Variants in EBF1 observed in about 807,000 individuals in gnomAD.
EBF1 encodes the protein EBF transcription factor 1.
In EBF1, 10 loss-of-function variants were observed where a neutral mutation model predicts 68.4. The observed-to-expected ratio is 0.15, with a 90% CI of 0.09 to 0.25. EBF1 has a LOEUF of 0.25. Ranked by LOEUF, EBF1 falls within the 10% of genes least tolerant of loss-of-function variation. EBF1 has a pLI of 1.00. For missense variants in EBF1, 509 were observed against 794.4 expected, an observed-to-expected ratio of 0.64 and a Z score of 4.32; for synonymous variants, 298 against 299.8, an observed-to-expected ratio of 0.99 and a Z score of 0.06.
chr5:158,845,753 T>C (rs1424235181), intron 6 of EBF1, among the ~76,000 whole-genome samples: 1 of 142,336 alleles, frequency 7.0e-6, no homozygotes, highest in Non-Finnish European at 1.5e-5. Context: ...AAGATAATAA[T>C]GACTACAGCA....
intron 5 of EBF1, among the ~76,000 whole-genome samples, chr5:159,077,020 T>A (rs1164094466): frequency 6.6e-6 from 1 of 152,212 alleles, no homozygotes; most frequent in African/African-American, 2.4e-5. Context: ...GCCCCATTTC[T>A]GGGAGAAAAA....
chr5:158,940,822 C>CAACA (rs1315312465), intron 6 of EBF1, among the ~76,000 whole-genome samples: 2 of 134,136 alleles, frequency 1.5e-5, no homozygotes, highest in Non-Finnish European at 3.1e-5. Flanking sequence ...AGTGAATCCC[C>CAACA]AACAGAGGAC....
At chr5:159,062,567 A>T (rs1237785710) in intron 6 of EBF1, among the ~76,000 whole-genome samples, 1 of 152,124 alleles carries the variant, frequency 6.6e-6, no homozygotes, top group African/African-American at 2.4e-5. Flanking sequence ...TGAAAGAAAA[A>T]CTGGTGAATT....
chr5:158,848,891 G>A (rs1185667251), intron 6 of EBF1, among the ~76,000 whole-genome samples: 2 of 152,172 alleles, frequency 1.3e-5, no homozygotes, highest in African/African-American at 4.8e-5. Context: ...CAGTAACTGA[G>A]GCATACAGTT....
Position 158,713,155 on chromosome 5 carries a change from G to A in EBF1, c.1192-8C>T, listed in dbSNP as rs1434881523. The A allele has an allele frequency of 6.9e-7, 1 of 1,458,144 alleles. No individual in the cohort carries two copies. The highest frequency in any genetic ancestry group is 1.5e-5 in the South Asian group (1 of 65,368). The allele number at this position is 1,458,144 out of a possible 1,614,324, so 90.3% of individuals were successfully genotyped here. The stretch of plus-strand genomic sequence containing the variant: ...TCTCTTCAGAATGATTTCCTGAAAA[G>A]TCAAAGGAATATCCCCTTCAGCTGC... On this transcript the variant is annotated splice_polypyrimidine_tract_variant and splice_region_variant and intron_variant, in intron 12 of 15. Coordinates refer to ENST00000313708, the MANE Select transcript of EBF1 (RefSeq NM_024007.5).
chr5:159,029,606 T>A (rs1412208156), intron 6 of EBF1, among the ~76,000 whole-genome samples: 1 of 152,146 alleles, frequency 6.6e-6, no homozygotes, highest in African/African-American at 2.4e-5. Context: ...GAAAAAGAAG[T>A]TCTAATAATT....
intron 10 of EBF1, among the ~76,000 whole-genome samples, chr5:158,735,301 A>G (rs1192672815): frequency 5.3e-5 from 8 of 152,144 alleles, no homozygotes; most frequent in Non-Finnish European, 1.2e-4. Context: ...CTAGGGTCAC[A>G]ATACACTTAA....
At position 159,038,423 on chromosome 5, in the gene EBF1, C is replaced by T. The variant is rs17056465; in HGVS notation, c.554+34973G>A. Among the ~76,000 whole-genome samples the T allele has an allele frequency of 6.2e-3, 951 of 152,216 alleles. 10 individuals carry two copies. The highest frequency in any genetic ancestry group is 0.022 in the African/African-American group (908 of 41,498). On this transcript the variant is annotated intron_variant, in intron 6 of 15. Transcript: ENST00000313708. ...TCCAGTCGAGATGGACCTACCTACT[C>T]ATATCAAAGGGAGACATTAAGACTC...
chr5:158,906,979 G>A (rs1804787666), intron 6 of EBF1, among the ~76,000 whole-genome samples: 1 of 152,180 alleles, frequency 6.6e-6, no homozygotes. Flanking sequence ...TACGAAGAGG[G>A]GTTCATTTAC....
intron 5 of EBF1, among the ~76,000 whole-genome samples, chr5:159,078,102 G>A (rs190436385): frequency 6.6e-6 from 1 of 152,282 alleles, no homozygotes. Context: ...ACCACAAGCA[G>A]TGGAAGGAAA....
intron 11 of EBF1, among the ~76,000 whole-genome samples, chr5:158,730,764 C>G (rs971456832): frequency 6.6e-6 from 1 of 152,132 alleles, no homozygotes; most frequent in East Asian, 1.9e-4. Flanking sequence ...TGCTATGTGA[C>G]CTTGAGCAAA....
intron 6 of EBF1, among the ~76,000 whole-genome samples, chr5:159,053,720 A>G (rs1187545952): frequency 3.3e-5 from 5 of 152,132 alleles, no homozygotes; most frequent in Non-Finnish European, 5.9e-5. Context: ...CAGACACAAA[A>G]TGAGTATATG....
chr5:159,051,491 C>G (rs942431750), intron 6 of EBF1, among the ~76,000 whole-genome samples: 1 of 144,922 alleles, frequency 6.9e-6, no homozygotes, highest in East Asian at 2.2e-4. Context: ...ATGTGCGACT[C>G]GTGTTTCGGC....
At chr5:158,903,378 C>A (rs1442053343) in intron 6 of EBF1, among the ~76,000 whole-genome samples, 5 of 152,066 alleles carry the variant, frequency 3.3e-5, no homozygotes, top group Non-Finnish European at 5.9e-5. Context: ...CCCTTATCAG[C>A]CAACTTCAAT....
chr5:158,868,479 T>C (rs1202535999), intron 6 of EBF1, among the ~76,000 whole-genome samples: 1 of 152,234 alleles, frequency 6.6e-6, no homozygotes, highest in Non-Finnish European at 1.5e-5. Context: ...TGTTTGTTTT[T>C]TTCTGGGATC....
At chr5:158,907,986 G>A (rs1369847027) in intron 6 of EBF1, among the ~76,000 whole-genome samples, 1 of 151,958 alleles carries the variant, frequency 6.6e-6, no homozygotes, top group Non-Finnish European at 1.5e-5. Context: ...GTAGAAAAAG[G>A]AGTCCAAAAA....
chr5:158,903,232 T>C (rs1562260306), intron 6 of EBF1, among the ~76,000 whole-genome samples: 1 of 152,230 alleles, frequency 6.6e-6, no homozygotes, highest in East Asian at 1.9e-4. Flanking sequence ...CATTTATAAA[T>C]AAGAAGATTA....
At chr5:158,813,067 T>C (rs1446404742) in intron 8 of EBF1, among the ~76,000 whole-genome samples, 2 of 152,136 alleles carry the variant, frequency 1.3e-5, no homozygotes, top group Admixed American at 1.3e-4. Context: ...CAGCCCTCTC[T>C]AACAGCATTT....
intron 5 of EBF1, among the ~76,000 whole-genome samples, chr5:159,075,185 T>A (rs958026202): frequency 6.6e-6 from 1 of 152,180 alleles, no homozygotes; most frequent in Non-Finnish European, 1.5e-5. Context: ...TACCTCTAAA[T>A]GCCAGGGAAC....
Sources: allele counts gnomAD v4.1 joint callset (sites outside exome capture counted in the v4.1 genomes callset), GRCh38; gene constraint gnomAD v4.1.1; transcripts MANE v1.5; gene names NCBI Gene and HGNC (gene_info 2026-07-23, HGNC 2026-07-21).